Variants in AGBL4 observed in about 807,000 individuals in gnomAD.
AGBL4 encodes the protein cytosolic carboxypeptidase 6.
A neutral mutation model predicts 66.4 loss-of-function variants in AGBL4; 58 were observed. The observed-to-expected ratio is 0.87, with a 90% CI of 0.71 to 1.09. AGBL4 has a LOEUF of 1.09. Among genes scored for constraint, AGBL4 ranks in the 50% least tolerant of loss-of-function variants. AGBL4 has a pLI of 0.00. For missense variants in AGBL4, 579 were observed against 631.0 expected, an observed-to-expected ratio of 0.92 and a Z score of 0.88; for synonymous variants, 234 against 222.9, an observed-to-expected ratio of 1.05 and a Z score of -0.44.
At chr1:49,858,393 T>C (rs1646485562) in intron 1 of AGBL4, among the ~76,000 whole-genome samples, 2 of 152,062 alleles carry the variant, frequency 1.3e-5, no homozygotes, top group Admixed American at 1.3e-4. Context: ...GATATTTATC[T>C]AAAGGAAACA....
intron 1 of AGBL4, among the ~76,000 whole-genome samples, chr1:49,988,256 C>A (rs1222570268): frequency 1.3e-5 from 2 of 152,034 alleles, no homozygotes; most frequent in South Asian, 2.1e-4. Flanking sequence ...ATCAAGAATG[C>A]AATTCTAATC....
rs190318726 is a variant in AGBL4 at position 49,938,799 on chromosome 1, T to A, written c.34+84964A>T. 1.4e-4 allele frequency among the ~76,000 whole-genome samples: 22 copies of A among 152,240 alleles called. No individual in the cohort carries two copies. The East Asian group carries it at 3.9e-3, about 27-fold the overall frequency. On this transcript the variant is annotated intron_variant, in intron 1 of 13. Transcript: ENST00000371839. ...GACCTTTAAGAAAATTCAACAACGC[T>A]TCGTGCTAAAAACTCTCAATAAATT...
intron 2 of AGBL4, among the ~76,000 whole-genome samples, chr1:49,850,185 T>C (rs943835629): frequency 2.2e-4 from 33 of 152,158 alleles, no homozygotes; most frequent in Non-Finnish European, 4.3e-4. Flanking sequence ...CAATCCATTG[T>C]GACTGACATT....
chr1:49,206,364 G>A (rs2148241594), intron 4 of AGBL4, among the ~76,000 whole-genome samples: 1 of 152,168 alleles, frequency 6.6e-6, no homozygotes, highest in Non-Finnish European at 1.5e-5. Flanking sequence ...CTACTGGGAT[G>A]GCCCTATAAA....
intron 6 of AGBL4, among the ~76,000 whole-genome samples, chr1:48,709,584 C>CATTATTATTATT (rs10657477): frequency 0.41 from 58,534 of 141,508 alleles, 12,988 homozygotes; most frequent in South Asian, 0.51. Context: ...ATTTGCCAGG[C>CATTATTATTATT]ATTATTATTA....
intron 4 of AGBL4, among the ~76,000 whole-genome samples, chr1:49,075,956 A>ATCTACC (rs1216249718): frequency 6.6e-6 from 1 of 152,238 alleles, no homozygotes; most frequent in East Asian, 1.9e-4. Context: ...CCAAGAAAGA[A>ATCTACC]CATCTAGATA....
intron 1 of AGBL4, among the ~76,000 whole-genome samples, chr1:49,867,362 T>C (rs1231645398): frequency 2.7e-5 from 4 of 150,636 alleles, no homozygotes; most frequent in African/African-American, 9.7e-5. Context: ...TATTATACTT[T>C]AAGTTCTAGG....
At chr1:49,062,540 T>G (rs1234192367) in intron 4 of AGBL4, among the ~76,000 whole-genome samples, 2 of 151,856 alleles carry the variant, frequency 1.3e-5, no homozygotes, top group Non-Finnish European at 2.9e-5. Flanking sequence ...TGAATGAGAG[T>G]GTTAATAAGA....
At chr1:49,011,827 A>G (rs1407475566) in intron 5 of AGBL4, among the ~76,000 whole-genome samples, 1 of 145,424 alleles carries the variant, frequency 6.9e-6, no homozygotes, top group Non-Finnish European at 1.5e-5. Context: ...TGGGAATTGA[A>G]CAATGAGATC....
chr1:48,672,626 AGT>A (rs1239571895), intron 6 of AGBL4, among the ~76,000 whole-genome samples: 1 of 152,196 alleles, frequency 6.6e-6, no homozygotes, highest in African/African-American at 2.4e-5. Flanking sequence ...ATGCAGTTCC[AGT>A]GGGCCCCTTC....
At chr1:49,236,386 C>T (rs950095668) in intron 4 of AGBL4, among the ~76,000 whole-genome samples, 1 of 152,132 alleles carries the variant, frequency 6.6e-6, no homozygotes, top group Non-Finnish European at 1.5e-5. Context: ...TAAAGGGCTC[C>T]TCTCCATGTG....
At chr1:49,008,886 A>C (rs1662109678) in intron 5 of AGBL4, among the ~76,000 whole-genome samples, 2 of 152,086 alleles carry the variant, frequency 1.3e-5, no homozygotes, top group Non-Finnish European at 2.9e-5. Context: ...GAGTGTGTAG[A>C]GGGAAATTTA....
At chr1:49,389,750 T>C (rs1258314914) in intron 3 of AGBL4, among the ~76,000 whole-genome samples, 1 of 152,172 alleles carries the variant, frequency 6.6e-6, no homozygotes, top group Non-Finnish European at 1.5e-5. Flanking sequence ...TGTGGTCCTG[T>C]GCTCTTGGAA....
intron 3 of AGBL4, among the ~76,000 whole-genome samples, chr1:49,393,566 T>C (rs769827710): frequency 6.6e-6 from 1 of 152,076 alleles, no homozygotes; most frequent in Non-Finnish European, 1.5e-5. Flanking sequence ...ATTTAGAAAA[T>C]ACTGCTAAGG....
intron 8 of AGBL4, among the ~76,000 whole-genome samples, chr1:48,650,576 G>T (rs539434406): frequency 1.3e-5 from 2 of 151,256 alleles, no homozygotes; most frequent in Non-Finnish European, 2.9e-5. Flanking sequence ...AGATTTAGTA[G>T]ATTTTTATTA....
intron 6 of AGBL4, among the ~76,000 whole-genome samples, chr1:48,809,839 C>T (rs1461928387): frequency 6.6e-6 from 1 of 152,052 alleles, no homozygotes; most frequent in Non-Finnish European, 1.5e-5. Flanking sequence ...CAAGTAAGTC[C>T]CCTTGTTTCA....
chr1:48,697,106 CA>C (rs1646724200), intron 6 of AGBL4, among the ~76,000 whole-genome samples: 1 of 152,154 alleles, frequency 6.6e-6, no homozygotes, highest in African/African-American at 2.4e-5. Flanking sequence ...TAGCTGTCAC[CA>C]ACTCAGCCCC....
Position 48,965,021 on chromosome 1 carries a change from C to T in AGBL4, c.594+80563G>A, listed in dbSNP as rs1216764734. On this transcript the variant is annotated intron_variant, in intron 5 of 13. Coordinates refer to ENST00000371839, the MANE Select transcript of AGBL4 (RefSeq NM_032785.4). ...ACTACCTCCCAAGATCCTCAGTTTG[C>T]TGCTAGCTGCCTATTGCTTTCCTTC... Among the ~76,000 whole-genome samples the T allele has an allele frequency of 3.9e-5, 6 of 152,322 alleles. No homozygotes were observed. In the South Asian group the frequency reaches 8.3e-4, roughly 21 times the overall value.
At chr1:48,849,787 A>G (rs937535725) in intron 6 of AGBL4, among the ~76,000 whole-genome samples, 9 of 152,186 alleles carry the variant, frequency 5.9e-5, no homozygotes, top group African/African-American at 2.2e-4. Flanking sequence ...AGCCTGGCCA[A>G]CATGGTGAAA....
Sources: allele counts gnomAD v4.1 joint callset (sites outside exome capture counted in the v4.1 genomes callset), GRCh38; gene constraint gnomAD v4.1.1; transcripts MANE v1.5; gene names NCBI Gene and HGNC (gene_info 2026-07-23, HGNC 2026-07-21).